Variants in PTPN3 observed in about 807,000 individuals in gnomAD.
The protein encoded by PTPN3 is tyrosine-protein phosphatase non-receptor type 3.
A neutral mutation model predicts 132.7 loss-of-function variants in PTPN3; 96 were observed. The observed-to-expected ratio is 0.72, with a 90% confidence interval of 0.61 to 0.86. PTPN3 has a LOEUF of 0.86. Among genes scored for constraint, PTPN3 ranks in the 40% least tolerant of loss-of-function variants. The pLI, the probability that PTPN3 is intolerant of heterozygous loss-of-function variation, is 0.00. For synonymous variants in PTPN3, 398 were observed against 429.0 expected, an observed-to-expected ratio of 0.93 and a Z score of 0.89; for missense variants, 1,125 against 1,159.6, an observed-to-expected ratio of 0.97 and a Z score of 0.43.
chr9:109,534,377 C>T, the PTPN3 span: 10 of 1,473,476 alleles, frequency 6.8e-6, no homozygotes, highest in South Asian at 5.4e-5. Flanking sequence ...AGCTGCGGCT[C>T]CTCCCGGGGT....
chr9:109,500,915 G>A (rs1318927581), upstream of PTPN3, among the ~76,000 whole-genome samples: 13 of 144,256 alleles, frequency 9.0e-5, no homozygotes, highest in African/African-American at 1.0e-4. Context: ...ATGACAGAGC[G>A]AGATTCTGTC....
rs775876677 is a variant in PTPN3, at chr9:109,427,103, A to G, written c.848T>C (p.Ile283Thr). 17 of 1,614,036 alleles carry G rather than the reference A, an allele frequency of 1.1e-5. No individual in the cohort carries two copies. Among genetic ancestry groups the G allele is most frequent in the Admixed American group, 5.0e-5 (3 of 59,996 alleles). ...RQKQAESREH[I>T]VAFNMLNYRS... is the part of the protein sequence containing the mutation. ...GTAATTCAGCATGTTGAAGGCCACA[A>G]TATGTTCCCTGGATTCAGCCTGGGA... The change falls in exon 12 of 26, where the codon ATT (isoleucine) becomes ACT (threonine). Residue 283 changes from isoleucine (I) to threonine (T), a missense_variant. Transcript: ENST00000374541.
intron 25 of PTPN3, 126 bp downstream of exon 25, chr9:109,381,526 A>T: frequency 7.3e-7 from 1 of 1,369,080 alleles, no homozygotes; most frequent in Non-Finnish European, 1.0e-6. Flanking sequence ...AAGCTCTGTG[A>T]CCTTGGGCAA....
At chr9:109,478,889 G>A (rs1422523722) in intron 1 of PTPN3, among the ~76,000 whole-genome samples, 1 of 152,202 alleles carries the variant, frequency 6.6e-6, no homozygotes, top group Non-Finnish European at 1.5e-5. Context: ...AGGTGACCCA[G>A]CGGCAGGGCA....
intron 8 of PTPN3, 105 bp downstream of exon 8, chr9:109,438,009 A>AGGAT: frequency 7.5e-7 from 1 of 1,332,172 alleles, no homozygotes. Flanking sequence ...ATCTTGAAAG[A>AGGAT]GGATTCATGC....
At chr9:109,393,287 TCTTA>T in intron 19 of PTPN3, among the ~76,000 whole-genome samples, 1 of 152,246 alleles carries the variant, frequency 6.6e-6, no homozygotes. Context: ...TTAACTTTTA[TCTTA>T]CTTTTTCATT....
At chr9:109,532,800 C>T in the PTPN3 span, 6 of 653,302 alleles carry the variant, frequency 9.2e-6, no homozygotes, top group African/African-American at 7.7e-5. Context: ...ATGACTACAC[C>T]GGTTGATGAT....
chr9:109,408,781 TAAAAAAAAAAA>T (rs768982568), intron 16 of PTPN3, among the ~76,000 whole-genome samples: 1 of 62,134 alleles, frequency 1.6e-5, no homozygotes, highest in East Asian at 3.5e-4. Context: ...TTATAATAAT[TAAAAAAAAAAA>T]AAAAATATAT....
At chr9:109,525,400 A>G in the PTPN3 span, among the ~76,000 whole-genome samples, 1 of 152,202 alleles carries the variant, frequency 6.6e-6, no homozygotes, top group Non-Finnish European at 1.5e-5. Context: ...CTCCACCTGC[A>G]AAAATTAACT....
At chr9:109,403,984 A>G (rs1239432885) in intron 19 of PTPN3, among the ~76,000 whole-genome samples, 1 of 152,204 alleles carries the variant, frequency 6.6e-6, no homozygotes, top group Non-Finnish European at 1.5e-5. Context: ...TAATTGCTCC[A>G]AATTCCAGCA....
chr9:109,398,136 T>C (rs988090777), intron 19 of PTPN3, among the ~76,000 whole-genome samples: 1 of 152,112 alleles, frequency 6.6e-6, no homozygotes, highest in Non-Finnish European at 1.5e-5. Context: ...TAGCTGGGCA[T>C]GGTGGCGCAT....
rs899299015 is a variant in PTPN3 at position 109,404,695 on chromosome 9, T to C, written c.1793-87A>G. 22 of 1,306,652 alleles carry C rather than the reference T, an allele frequency of 1.7e-5. No homozygotes were observed. In the African/African-American group the frequency reaches 3.1e-4, roughly 19 times the overall value. The allele number at this position is 1,306,652 out of a possible 1,614,324, so 80.9% of individuals were successfully genotyped here. A position where few individuals can be genotyped will look rare whatever the true frequency, so the allele number is the denominator to read the frequency against. ...TCAAACAAATCACACCTATGACACC[T>C]GAATGCAGATGGTTCAAAACATCTT... On this transcript the variant is annotated intron_variant, in intron 18 of 25. Coordinates refer to ENST00000374541, the MANE Select transcript of PTPN3 (RefSeq NM_002829.4).
intron 9 of PTPN3, among the ~76,000 whole-genome samples, chr9:109,434,876 G>C (rs949368168): frequency 6.6e-6 from 1 of 152,170 alleles, no homozygotes; most frequent in Non-Finnish European, 1.5e-5. Flanking sequence ...CCCCTTTGCC[G>C]TGGGACAAAC....
At chr9:109,467,266 CA>C (rs1433597132) in intron 1 of PTPN3, among the ~76,000 whole-genome samples, 1 of 144,106 alleles carries the variant, frequency 6.9e-6, no homozygotes, top group Non-Finnish European at 1.5e-5. Flanking sequence ...AGGTGGGTTA[CA>C]TTTTTTTTTT....
chr9:109,503,633 CT>C, the PTPN3 span, among the ~76,000 whole-genome samples: 1 of 151,910 alleles, frequency 6.6e-6, no homozygotes, highest in African/African-American at 2.4e-5. Context: ...CGCTGGAACC[CT>C]GGAGGCAGAG....
chr9:109,398,028 C>T (rs998052862), intron 19 of PTPN3, among the ~76,000 whole-genome samples: 1 of 152,186 alleles, frequency 6.6e-6, no homozygotes, highest in African/African-American at 2.4e-5. Flanking sequence ...AATCCCAGCA[C>T]TTTGTGGGGC....
At chr9:109,467,127 CAG>C (rs1292151162) in intron 1 of PTPN3, among the ~76,000 whole-genome samples, 1 of 152,148 alleles carries the variant, frequency 6.6e-6, no homozygotes, top group Non-Finnish European at 1.5e-5. Context: ...AAAATGTCAT[CAG>C]AAGCAGGGAT....
chr9:109,532,486 C>T, the PTPN3 span, among the ~76,000 whole-genome samples: 80,914 of 151,570 alleles, frequency 0.53, 22,718 homozygotes, highest in East Asian at 0.85. Flanking sequence ...TGTAAACTTT[C>T]ATTACAAATT....
rs550698160 is a variant in PTPN3, at chr9:109,497,890, G to A, written c.-18+329C>T. 6.6e-5 allele frequency among the ~76,000 whole-genome samples: 10 copies of A among 150,758 alleles called. 1 individual carries two copies. In the South Asian group the frequency reaches 2.1e-3, roughly 31 times the overall value. ...TCCTCCGGAGGTGCCGGACGCACGG[G>A]CTCCGCGGGTTGCGCCCGCCCCTGC... On this transcript the variant is annotated intron_variant, in intron 1 of 25. Transcript: ENST00000374541.
Sources: allele counts gnomAD v4.1 joint callset (sites outside exome capture counted in the v4.1 genomes callset), GRCh38; gene constraint gnomAD v4.1.1; transcripts MANE v1.5; gene names NCBI Gene and HGNC (gene_info 2026-07-23, HGNC 2026-07-21).